RIMS2: variants seen among roughly 807,000 people sequenced by gnomAD.
The protein encoded by RIMS2 is regulating synaptic membrane exocytosis protein 2.
RIMS2 carries 59 observed loss-of-function variants against 174.4 expected under a neutral mutation model. That is an observed-to-expected ratio of 0.34 (90% CI 0.27 to 0.42). The LOEUF is 0.42. RIMS2 is among the 10% of genes least tolerant of loss of function. The pLI is 1.00. For synonymous variants in RIMS2, 606 were observed against 572.5 expected, an observed-to-expected ratio of 1.06 and a Z score of -0.84; for missense variants, 1,620 against 1,666.3, an observed-to-expected ratio of 0.97 and a Z score of 0.48.
chr8:103,843,832 A>G (rs1020674683), intron 3 of RIMS2, among the ~76,000 whole-genome samples: 3 of 152,154 alleles, frequency 2.0e-5, no homozygotes, highest in Non-Finnish European at 2.9e-5. Flanking sequence ...TGTAATTAAA[A>G]TAACTTTTTT....
At chr8:103,523,625 T>A (rs1395934721) in intron 1 of RIMS2, among the ~76,000 whole-genome samples, 1 of 152,026 alleles carries the variant, frequency 6.6e-6, no homozygotes, top group Non-Finnish European at 1.5e-5. Flanking sequence ...TTGGGGGACA[T>A]GATGATAGTC....
chr8:103,955,622 T>C (rs1026857994), intron 14 of RIMS2, among the ~76,000 whole-genome samples: 1 of 152,158 alleles, frequency 6.6e-6, no homozygotes, highest in African/African-American at 2.4e-5. Context: ...AAGCAATTTG[T>C]GACAAACCCA....
chr8:103,725,572 A>G (rs1394785451), intron 2 of RIMS2, among the ~76,000 whole-genome samples: 2 of 152,082 alleles, frequency 1.3e-5, no homozygotes, highest in Non-Finnish European at 2.9e-5. Context: ...TTTATTGCTG[A>G]TACTACTTTA....
At chr8:103,500,936 C>T (rs1286780346) in exon 1 of RIMS2, 5 of 1,608,306 alleles carry the variant, frequency 3.1e-6, no homozygotes, top group Non-Finnish European at 4.2e-6. Context: ...ATCCCGGCGG[C>T]CTCTCAGCCG....
intron 1 of RIMS2, among the ~76,000 whole-genome samples, chr8:103,584,636 G>T (rs1213815337): frequency 6.6e-6 from 1 of 152,108 alleles, no homozygotes; most frequent in Non-Finnish European, 1.5e-5. Flanking sequence ...TTGCTTGTTT[G>T]TTTATGCAAA....
At chr8:103,633,511 C>G (rs2095997846) in intron 1 of RIMS2, among the ~76,000 whole-genome samples, 1 of 152,088 alleles carries the variant, frequency 6.6e-6, no homozygotes, top group Admixed American at 6.5e-5. Context: ...TTTCTCTTGT[C>G]TCTTCCAGGT....
intron 19 of RIMS2, among the ~76,000 whole-genome samples, 169 bp downstream of exon 22, chr8:104,041,527 G>A (rs2096608748): frequency 6.6e-6 from 1 of 151,438 alleles, no homozygotes; most frequent in East Asian, 1.9e-4. Flanking sequence ...ACTATCAACA[G>A]CAACTGCTCC....
chr8:103,595,099 A>G (rs761714745), intron 1 of RIMS2, among the ~76,000 whole-genome samples: 12 of 151,954 alleles, frequency 7.9e-5, no homozygotes, highest in Admixed American at 2.6e-4. Context: ...TATAATTGGT[A>G]AAATTATAAA....
At chr8:103,800,825 T>C (rs1393601563) in intron 3 of RIMS2, among the ~76,000 whole-genome samples, 1 of 152,210 alleles carries the variant, frequency 6.6e-6, no homozygotes, top group Non-Finnish European at 1.5e-5. Context: ...AATCAGGGAA[T>C]GCTGGCCTCC....
intron 1 of RIMS2, among the ~76,000 whole-genome samples, chr8:103,527,119 A>T (rs1242649114): frequency 6.6e-6 from 1 of 152,220 alleles, no homozygotes; most frequent in African/African-American, 2.4e-5. Context: ...AAAGTGCTGA[A>T]GAAAAAACCG....
chr8:103,614,809 C>T lies in RIMS2; in HGVS notation c.177-82277C>T, dbSNP rs552960598. On this transcript the variant is annotated intron_variant, in intron 1 of 23. Coordinates refer to ENST00000504942, the Ensembl canonical transcript of RIMS2. ...AGTTGCAGAAGTCGCATGAAATTAA[C>T]AGCTATGTCATATTTCTATTAATAC... is the stretch of plus-strand genomic sequence containing the variant. 2.7e-4 allele frequency among the ~76,000 whole-genome samples: 41 copies of T among 152,320 alleles called. No homozygotes were observed. In the South Asian group the frequency reaches 7.9e-3, roughly 29 times the overall value.
intron 2 of RIMS2, 26 bp downstream of exon 5, chr8:103,716,346 A>G (rs1464238306): frequency 2.6e-5 from 4 of 151,852 alleles, no homozygotes; most frequent in African/African-American, 9.7e-5. Flanking sequence ...TCTGTCTAAT[A>G]TTAGTTTTTC....
chr8:103,979,474 A>T (rs1565648462), intron 16 of RIMS2, among the ~76,000 whole-genome samples: 1 of 152,208 alleles, frequency 6.6e-6, no homozygotes, highest in African/African-American at 2.4e-5. Flanking sequence ...TCCACTACTG[A>T]GTATCAAAGG....
chr8:103,903,841 T>TA (rs1361515632), intron 4 of RIMS2, among the ~76,000 whole-genome samples: 7 of 152,164 alleles, frequency 4.6e-5, no homozygotes, highest in Admixed American at 1.3e-4. Flanking sequence ...TTTAGATTTT[T>TA]ACTTTGAAGT....
intron 19 of RIMS2, among the ~76,000 whole-genome samples, chr8:104,121,871 G>A (rs1464233590): frequency 6.6e-6 from 1 of 152,174 alleles, no homozygotes; most frequent in African/African-American, 2.4e-5. Context: ...TGAGGCAGGA[G>A]AATCACTTGA....
chr8:104,220,966 G>A (rs551491366), intron 19 of RIMS2, among the ~76,000 whole-genome samples: 36 of 152,038 alleles, frequency 2.4e-4, no homozygotes, highest in Non-Finnish European at 4.4e-4. Flanking sequence ...ACCTTCCCCC[G>A]ATCTTAAGTT....
At chr8:103,979,927 C>T (rs1460767451) in intron 16 of RIMS2, among the ~76,000 whole-genome samples, 1 of 152,138 alleles carries the variant, frequency 6.6e-6, no homozygotes, top group Non-Finnish European at 1.5e-5. Flanking sequence ...CCCATTCCAT[C>T]AGTCAGAACT....
intron 19 of RIMS2, among the ~76,000 whole-genome samples, chr8:104,091,152 T>C (rs1247080134): frequency 6.6e-6 from 1 of 151,832 alleles, no homozygotes; most frequent in African/African-American, 2.4e-5. Flanking sequence ...ATCACAAACC[T>C]AATAATCTAT....
chr8:103,932,262 T>C (rs2080128195), intron 12 of RIMS2, among the ~76,000 whole-genome samples: 1 of 152,288 alleles, frequency 6.6e-6, no homozygotes, highest in South Asian at 2.1e-4. Flanking sequence ...TGGAATCTCA[T>C]TGATTTAGTT....
Sources: gnomAD v4.1 joint callset for allele counts (sites outside exome capture counted in the v4.1 genomes callset) on GRCh38, gnomAD v4.1.1 for gene constraint, MANE v1.5 for transcripts, NCBI Gene and HGNC (gene_info 2026-07-23, HGNC 2026-07-21) for gene names.